Variants in ZC4H2 observed in about 807,000 individuals in gnomAD.
The protein encoded by ZC4H2 is zinc finger C4H2 domain-containing protein.
For missense variants in ZC4H2, 137 were observed against 173.9 expected, an observed-to-expected ratio of 0.79 and a Z score of 1.19; for synonymous variants, 84 against 66.3, an observed-to-expected ratio of 1.27 and a Z score of -1.30.
chrX:64,917,777 C>G lies in ZC4H2; in HGVS notation c.*6G>C, dbSNP rs372152989. 5 of 1,209,277 alleles carry G rather than the reference C, an allele frequency of 4.1e-6. No individual in the cohort carries two copies. The South Asian group carries it at 8.9e-5, about 21-fold the overall frequency. On this transcript the variant is annotated 3_prime_UTR_variant, in exon 5 of 5. Coordinates refer to ENST00000374839, the MANE Select transcript of ZC4H2 (RefSeq NM_018684.4). ...ATTAGCAAAGCTTCATGTGCTCTCC[C>G]TTTCTTTATTCATCCTGCTTCCGTT...
chrX:65,032,684 C>T (rs952997477), intron 1 of ZC4H2, among the ~76,000 whole-genome samples: 5 of 111,265 alleles, frequency 4.5e-5, no homozygotes, highest in African/African-American at 1.6e-4. Context: ...TATAAAGTTT[C>T]ATTTTAGTTT....
chrX:65,002,306 C>A (rs957990653), intron 1 of ZC4H2, among the ~76,000 whole-genome samples: 21 of 111,457 alleles, frequency 1.9e-4, no homozygotes, highest in African/African-American at 5.5e-4. Flanking sequence ...CTCAAAACTG[C>A]AAAACTGCCC....
At chrX:65,016,834 T>C (rs749779780) in intron 1 of ZC4H2, among the ~76,000 whole-genome samples, 2 of 111,818 alleles carry the variant, frequency 1.8e-5, no homozygotes, top group Non-Finnish European at 1.9e-5. Flanking sequence ...AATAAAAATA[T>C]TACCTTTCTA....
chrX:64,947,560 AT>A (rs766971241), intron 1 of ZC4H2, among the ~76,000 whole-genome samples: 1 of 112,767 alleles, frequency 8.9e-6, no homozygotes, highest in East Asian at 2.8e-4. Context: ...TTTTAAAAAC[AT>A]TTTTACTCTG....
rs1569204074 is a variant in ZC4H2, at chrX:64,928,639, CT to C, written c.54-6652del. Among the ~76,000 whole-genome samples, 8 of 65,597 alleles carry C rather than the reference CT, an allele frequency of 1.2e-4. No individual in the cohort carries two copies. The East Asian group carries it at 3.1e-3, about 25-fold the overall frequency. 57.0% of individuals were successfully genotyped at this position (65,597 alleles called of 115,157 possible). A position where few individuals can be genotyped will look rare whatever the true frequency, so the allele number is the denominator to read the frequency against. The stretch of plus-strand genomic sequence containing the variant: ...GTCCTTTGCCTGCTTTCTCCTTCTT[CT>C]TCTTCTTCTTCTTCTTCTTCTTCTT... On this transcript the variant is annotated intron_variant, in intron 1 of 4. Coordinates refer to ENST00000374839, the MANE Select transcript of ZC4H2 (RefSeq NM_018684.4).
At position 64,928,239 on chromosome X, in the gene ZC4H2, G is replaced by T. The variant is rs372659594; in HGVS notation, c.54-6251C>A. Among the ~76,000 whole-genome samples, 34 of 111,998 alleles carry T rather than the reference G, an allele frequency of 3.0e-4. No individual in the cohort carries two copies. The East Asian group carries it at 6.5e-3, about 21-fold the overall frequency. On this transcript the variant is annotated intron_variant, in intron 1 of 4. Coordinates refer to ENST00000374839, the MANE Select transcript of ZC4H2 (RefSeq NM_018684.4). ...TGGTATTGCCTAGGTTTTCTTCTAG[G>T]AATTTTATGGTTTTAGGTCTTACAT...
chrX:64,991,100 TC>T (rs1450928853), intron 1 of ZC4H2, among the ~76,000 whole-genome samples: 1 of 111,945 alleles, frequency 8.9e-6, no homozygotes, highest in Admixed American at 9.5e-5. Flanking sequence ...AGCCTCGGTT[TC>T]CCATCTGCAA....
At chrX:65,030,057 G>A (rs1442673783) in intron 1 of ZC4H2, among the ~76,000 whole-genome samples, 2 of 112,201 alleles carry the variant, frequency 1.8e-5, no homozygotes, top group African/African-American at 3.2e-5. Context: ...CAGACACAAA[G>A]GGTTCAAGTG....
chrX:65,003,029 G>T (rs1932577081), intron 1 of ZC4H2, among the ~76,000 whole-genome samples: 2 of 105,604 alleles, frequency 1.9e-5, no homozygotes, highest in Non-Finnish European at 3.9e-5. Flanking sequence ...ATCCCCCTCT[G>T]CGAGAAACAC....
chrX:64,955,565 T>A (rs774886441), intron 1 of ZC4H2, among the ~76,000 whole-genome samples: 39 of 111,556 alleles, frequency 3.5e-4, no homozygotes, highest in Non-Finnish European at 6.4e-4. Context: ...GTACACCCAG[T>A]GAAGCCCTTA....
Position 64,954,390 on chromosome X carries a change from T to TTATA in ZC4H2, c.53+21931_53+21934dup, listed in dbSNP as rs200900040. 8.2e-4 allele frequency among the ~76,000 whole-genome samples: 59 copies of TTATA among 72,121 alleles called. 6 individuals are homozygous for TTATA. The highest frequency in any genetic ancestry group is 6.8e-3 in the African/African-American group (52 of 7,645). 62.6% of individuals were successfully genotyped at this position (72,121 alleles called of 115,157 possible). On this transcript the variant is annotated intron_variant, in intron 1 of 4. Coordinates refer to ENST00000374839, the MANE Select transcript of ZC4H2 (RefSeq NM_018684.4). The stretch of plus-strand genomic sequence containing the variant: ...TATATATAATTATATATATTTATAA[T>TTATA]TATATATATATATGCTCAAAAATTG...
intron 2 of ZC4H2, among the ~76,000 whole-genome samples, chrX:64,921,481 G>A (rs5964402): frequency 0.11 from 11,937 of 111,653 alleles, 1,530 homozygotes; most frequent in African/African-American, 0.36. Context: ...AGAGGCAGCT[G>A]CCTGCTCTGC....
At chrX:64,932,219 C>A (rs1243802096) in intron 1 of ZC4H2, among the ~76,000 whole-genome samples, 1 of 110,921 alleles carries the variant, frequency 9.0e-6, no homozygotes, top group African/African-American at 3.3e-5. Flanking sequence ...ATATTTTTTA[C>A]CACCCCTTTA....
At chrX:64,971,724 AGC>A (rs1227493143) in intron 1 of ZC4H2, among the ~76,000 whole-genome samples, 3 of 111,629 alleles carry the variant, frequency 2.7e-5, no homozygotes, top group Non-Finnish European at 5.7e-5. Context: ...TAATATTTGA[AGC>A]CATGGAAGTA....
At chrX:64,955,312 G>A (rs968351259) in intron 1 of ZC4H2, among the ~76,000 whole-genome samples, 3 of 111,366 alleles carry the variant, frequency 2.7e-5, no homozygotes, top group African/African-American at 9.8e-5. Flanking sequence ...CCATGTATGA[G>A]GGTTGCTGTT....
chrX:64,957,798 G>A (rs536057996), intron 1 of ZC4H2, among the ~76,000 whole-genome samples: 2 of 110,767 alleles, frequency 1.8e-5, no homozygotes, highest in South Asian at 3.9e-4. Context: ...GGATGTCAAG[G>A]CTTCAATGAG....
At chrX:64,945,102 A>G (rs1930464558) in intron 1 of ZC4H2, among the ~76,000 whole-genome samples, 1 of 112,809 alleles carries the variant, frequency 8.9e-6, no homozygotes, top group African/African-American at 3.2e-5. Context: ...CTCTTGCTCC[A>G]TCCAGTTTCG....
chrX:64,947,796 C>T (rs1249002489), intron 1 of ZC4H2, among the ~76,000 whole-genome samples: 1 of 111,441 alleles, frequency 9.0e-6, no homozygotes, highest in Non-Finnish European at 1.9e-5. Flanking sequence ...GAGCTGTGAC[C>T]AATCCAGTTG....
chrX:64,924,316 CACTT>C (rs1431584349), intron 1 of ZC4H2, among the ~76,000 whole-genome samples: 3 of 112,038 alleles, frequency 2.7e-5, no homozygotes, highest in Non-Finnish European at 5.6e-5. Context: ...ATTTATTGAG[CACTT>C]ACTATGTATT....
Sources: allele counts gnomAD v4.1 joint callset (sites outside exome capture counted in the v4.1 genomes callset), GRCh38; gene constraint gnomAD v4.1.1; transcripts MANE v1.5; gene names NCBI Gene and HGNC (gene_info 2026-07-23, HGNC 2026-07-21).